The following MYO10 variants were observed in gnomAD, a reference collection of about 807,000 sequenced individuals.
MYO10 encodes the protein unconventional myosin-X.
A neutral mutation model predicts 257.3 loss-of-function variants in MYO10; 133 were observed. The observed-to-expected ratio is 0.52, with a 90% CI of 0.45 to 0.60. MYO10 has a LOEUF of 0.60. Among genes scored for constraint, MYO10 ranks in the 20% least tolerant of loss-of-function variants. MYO10 has a pLI of 0.00. For synonymous variants in MYO10, 1,104 were observed against 1,028.6 expected, an observed-to-expected ratio of 1.07 and a Z score of -1.40; for missense variants, 2,399 against 2,635.7, an observed-to-expected ratio of 0.91 and a Z score of 1.97.
intron 25 of MYO10, 90 bp from the exon 26 acceptor site, chr5:16,699,663 C>G (rs892765184): frequency 6.5e-7 from 1 of 1,536,602 alleles, no homozygotes; most frequent in Non-Finnish European, 8.9e-7. Context: ...TGAAAAAATA[C>G]AAAAATACAG....
At chr5:16,858,472 T>A (rs1415668225) in intron 2 of MYO10, among the ~76,000 whole-genome samples, 1 of 151,624 alleles carries the variant, frequency 6.6e-6, no homozygotes, top group African/African-American at 2.4e-5. Context: ...AGGTTTAATT[T>A]GCATGCAATA....
Position 16,767,051 on chromosome 5 carries a change from T to C in MYO10, c.1061-853A>G, listed in dbSNP as rs150522630. Among the ~76,000 whole-genome samples the C allele has an allele frequency of 2.4e-4, 37 of 152,000 alleles. No individual in the cohort carries two copies. The East Asian group carries it at 7.2e-3, about 30-fold the overall frequency. ...ACTACTTTCATTAATAACACTAAGA[T>C]GTTATCTGCTTTTTTCACTCTAATT... On this transcript the variant is annotated intron_variant, in intron 10 of 40. Transcript: ENST00000513610.
chr5:16,748,784 A>C (rs1740294426), intron 19 of MYO10, among the ~76,000 whole-genome samples: 1 of 152,164 alleles, frequency 6.6e-6, no homozygotes, highest in Non-Finnish European at 1.5e-5. Flanking sequence ...CAGAGCTCTC[A>C]CTGCATGTGT....
At chr5:16,718,560 C>G (rs1739002145) in intron 19 of MYO10, among the ~76,000 whole-genome samples, 1 of 151,500 alleles carries the variant, frequency 6.6e-6, no homozygotes, top group African/African-American at 2.4e-5. Flanking sequence ...CGTGGAGAAC[C>G]TTTATGTCTA....
chr5:16,796,217 G>GAGAGCC (rs1553997197), intron 3 of MYO10, among the ~76,000 whole-genome samples: 1 of 37,416 alleles, frequency 2.7e-5, no homozygotes, highest in African/African-American at 1.0e-4. Flanking sequence ...AGAACAGAGA[G>GAGAGCC]AGAGCGAGAA....
chr5:16,733,228 T>C (rs775930480), intron 19 of MYO10, among the ~76,000 whole-genome samples: 25 of 151,962 alleles, frequency 1.6e-4, no homozygotes, highest in Non-Finnish European at 3.7e-4. Context: ...AGATGCCAAA[T>C]ATTAAAAAGA....
intron 33 of MYO10, among the ~76,000 whole-genome samples, chr5:16,677,812 G>A (rs1268427000): frequency 6.6e-6 from 1 of 151,694 alleles, no homozygotes; most frequent in Non-Finnish European, 1.5e-5. Flanking sequence ...CCAGGCTGGA[G>A]TGCAATGGCG....
intron 1 of MYO10, among the ~76,000 whole-genome samples, chr5:16,885,010 T>C (rs1057005621): frequency 6.6e-6 from 1 of 152,092 alleles, no homozygotes; most frequent in Non-Finnish European, 1.5e-5. Flanking sequence ...TCCCAACAGA[T>C]AAAGTATCGC....
At chr5:16,889,188 TTA>T (rs367751145) in intron 1 of MYO10, among the ~76,000 whole-genome samples, 20,988 of 136,016 alleles carry the variant, frequency 0.15, 2,918 homozygotes, top group African/African-American at 0.4. Context: ...TTAAAAAAAT[TTA>T]AAAAAAAAAA....
At chr5:16,789,781 C>T (rs1741699700) in intron 4 of MYO10, among the ~76,000 whole-genome samples, 1 of 152,092 alleles carries the variant, frequency 6.6e-6, no homozygotes, top group Non-Finnish European at 1.5e-5. Context: ...GACTCTATCT[C>T]AAAAAACAAA....
At chr5:16,898,474 G>A (rs963208181) in intron 1 of MYO10, among the ~76,000 whole-genome samples, 1 of 149,182 alleles carries the variant, frequency 6.7e-6, no homozygotes, top group Non-Finnish European at 1.5e-5. Context: ...GTGCAGTGGC[G>A]TGATCTCAGT....
chr5:16,816,040 T>TAAAA (rs570072651), intron 3 of MYO10, among the ~76,000 whole-genome samples: 1 of 92,002 alleles, frequency 1.1e-5, no homozygotes, highest in African/African-American at 4.0e-5. Context: ...TTTCACAGTG[T>TAAAA]AAAAAAAAAA....
At chr5:16,872,983 T>C (rs1744493362) in intron 2 of MYO10, among the ~76,000 whole-genome samples, 1 of 152,058 alleles carries the variant, frequency 6.6e-6, no homozygotes, top group African/African-American at 2.4e-5. Flanking sequence ...CCCTGACCCC[T>C]CCAAATCTCA....
intron 2 of MYO10, among the ~76,000 whole-genome samples, chr5:16,840,692 A>ATGCAATATGCATTTTTGTTG (rs1247483353): frequency 6.6e-6 from 1 of 152,116 alleles, no homozygotes; most frequent in East Asian, 1.9e-4. Flanking sequence ...CAATAAAAAA[A>ATGCAATATGCATTTTTGTTG]TGCAATATGC....
At chr5:16,826,789 C>T (rs1743014886) in intron 2 of MYO10, among the ~76,000 whole-genome samples, 1 of 152,118 alleles carries the variant, frequency 6.6e-6, no homozygotes, top group African/African-American at 2.4e-5. Flanking sequence ...TTCCTCCTTT[C>T]GTGTATTGGC....
At position 16,713,417 on chromosome 5, in the gene MYO10, T is replaced by C. The variant is rs905203604; in HGVS notation, c.1930-2172A>G. 3.0e-6 allele frequency: 3 copies of C among 985,704 alleles called. No individual in the cohort carries two copies. The African/African-American group carries it at 5.2e-5, about 17-fold the overall frequency. The allele number at this position is 985,704 out of a possible 1,614,324, so 61.1% of individuals were successfully genotyped here. A position where few individuals can be genotyped will look rare whatever the true frequency, so the allele number is the denominator to read the frequency against. ...TGGAAAACAACTGCCACACTGACCT[T>C]TTCCCCACAGCTAAAGACATGGAAC... On this transcript the variant is annotated intron_variant, in intron 19 of 40. Transcript: ENST00000513610.
chr5:16,666,495 TAA>T lies in MYO10; in HGVS notation c.*195_*196del, dbSNP rs762468475. The T allele has an allele frequency of 1.8e-6, 1 of 549,802 alleles. No homozygotes were observed. The highest frequency in any genetic ancestry group is 3.1e-5 in the East Asian group (1 of 32,654). The allele number at this position is 549,802 out of a possible 1,614,324, so 34.1% of individuals were successfully genotyped here. A position where few individuals can be genotyped will look rare whatever the true frequency, so the allele number is the denominator to read the frequency against. ...AAGCTTTGGAAACTGTGCAGACTGT[TAA>T]AGTTGACAGCTTAATACAGGATCAA... is the stretch of plus-strand genomic sequence containing the variant. On this transcript the variant is annotated 3_prime_UTR_variant, in exon 41 of 41. Transcript: ENST00000513610.
intron 9 of MYO10, among the ~76,000 whole-genome samples, chr5:16,771,725 GCACACCAA>G (rs1167835595): frequency 1.3e-5 from 2 of 151,368 alleles, no homozygotes; most frequent in Non-Finnish European, 2.9e-5. Context: ...GACAACAGGT[GCACACCAA>G]CACACCTGGC....
chr5:16,792,110 TAC>T (rs138106656), intron 4 of MYO10, among the ~76,000 whole-genome samples: 2,009 of 139,026 alleles, frequency 0.014, 43 homozygotes, highest in African/African-American at 0.046. Context: ...CACACATACA[TAC>T]ACACACACAC....
Sources: gnomAD v4.1 joint callset for allele counts (sites outside exome capture counted in the v4.1 genomes callset) on GRCh38, gnomAD v4.1.1 for gene constraint, MANE v1.5 for transcripts, NCBI Gene and HGNC (gene_info 2026-07-23, HGNC 2026-07-21) for gene names.